The following TXLNB variants were observed in gnomAD, a reference collection of about 807,000 sequenced individuals.
TXLNB encodes taxilin beta, also known as beta-taxilin.
A neutral mutation model predicts 57.4 loss-of-function variants in TXLNB; 37 were observed. The ratio of observed to expected loss-of-function variants is 0.64; its 90% CI spans 0.50 to 0.85. The LOEUF (loss-of-function observed/expected upper bound fraction) is 0.85. Among genes scored for constraint, TXLNB ranks in the 40% least tolerant of loss-of-function variants. The probability of loss-of-function intolerance (pLI) is 0.00; values close to 1 mark genes in which losing one functional copy is unlikely to be tolerated. For missense variants in TXLNB, 848 were observed against 825.6 expected, an observed-to-expected ratio of 1.03 and a Z score of -0.33; for synonymous variants, 302 against 309.6, an observed-to-expected ratio of 0.98 and a Z score of 0.26.
chr6:139,210,942 C>T, the TXLNB span, among the ~76,000 whole-genome samples: 1 of 152,204 alleles, frequency 6.6e-6, no homozygotes, highest in Non-Finnish European at 1.5e-5. Context: ...GGAGGGGCAC[C>T]TGCCACTGCT....
chr6:139,217,882 A>AAAAAAG, the TXLNB span, among the ~76,000 whole-genome samples: 8 of 146,958 alleles, frequency 5.4e-5, no homozygotes, highest in African/African-American at 1.1e-4. Flanking sequence ...AAAAAAAAAA[A>AAAAAAG]AAAAAGAAAA....
chr6:139,204,283 C>A, the TXLNB span, among the ~76,000 whole-genome samples: 592 of 152,238 alleles, frequency 3.9e-3, 5 homozygotes, highest in African/African-American at 0.013. Context: ...GTGTTGAACT[C>A]CTGACCTTGT....
At chr6:139,261,899 C>T (rs1776490901) in intron 5 of TXLNB, among the ~76,000 whole-genome samples, 2 of 129,342 alleles carry the variant, frequency 1.5e-5, no homozygotes, top group Non-Finnish European at 3.1e-5. Context: ...AGAATACAGA[C>T]TCTTTTTTTT....
the TXLNB span, among the ~76,000 whole-genome samples, chr6:139,159,527 G>A: frequency 1.3e-5 from 2 of 152,112 alleles, no homozygotes; most frequent in Non-Finnish European, 2.9e-5. Context: ...TTGAGGAAGT[G>A]AGGGTGAGGG....
At chr6:139,232,963 G>A in the TXLNB span, among the ~76,000 whole-genome samples, 7 of 152,144 alleles carry the variant, frequency 4.6e-5, no homozygotes. Flanking sequence ...TAAGTACAAT[G>A]TGTGGAAAAG....
the TXLNB span, among the ~76,000 whole-genome samples, chr6:139,193,397 G>A: frequency 6.8e-4 from 103 of 151,966 alleles, no homozygotes; most frequent in Non-Finnish European, 9.4e-4. Context: ...ACCTCCAAAT[G>A]TCAGTGGCTG....
intron 8 of TXLNB, among the ~76,000 whole-genome samples, chr6:139,247,353 G>T (rs1776088876): frequency 1.3e-5 from 2 of 151,870 alleles, no homozygotes; most frequent in African/African-American, 4.8e-5. Flanking sequence ...TCTTGGCCAG[G>T]CTGGTCTCGA....
At chr6:139,163,705 G>C in the TXLNB span, among the ~76,000 whole-genome samples, 1 of 152,126 alleles carries the variant, frequency 6.6e-6, no homozygotes, top group African/African-American at 2.4e-5. Context: ...TAAATTCTGA[G>C]TTCATTTCTT....
At chr6:139,261,704 C>G (rs1366776658) in intron 5 of TXLNB, among the ~76,000 whole-genome samples, 1 of 152,026 alleles carries the variant, frequency 6.6e-6, no homozygotes, top group African/African-American at 2.4e-5. Flanking sequence ...TGCTTCTCAT[C>G]TATAAGATAT....
chr6:139,318,058 A>T, the TXLNB span, among the ~76,000 whole-genome samples: 1 of 152,022 alleles, frequency 6.6e-6, no homozygotes, highest in African/African-American at 2.4e-5. Flanking sequence ...TCACGAGGTC[A>T]GGAGATCGAG....
At chr6:139,201,295 T>C in the TXLNB span, among the ~76,000 whole-genome samples, 7 of 152,298 alleles carry the variant, frequency 4.6e-5, no homozygotes, top group African/African-American at 1.7e-4. Context: ...AGAATCAAAA[T>C]GGAGTCACTC....
the TXLNB span, among the ~76,000 whole-genome samples, chr6:139,300,894 C>CA: frequency 2.2e-4 from 33 of 150,010 alleles, no homozygotes; most frequent in South Asian, 8.4e-4. Context: ...GACTCCATCT[C>CA]AAAAAAAAAG....
At chr6:139,231,935 G>A in the TXLNB span, among the ~76,000 whole-genome samples, 24 of 152,270 alleles carry the variant, frequency 1.6e-4, no homozygotes, top group African/African-American at 4.6e-4. Flanking sequence ...ACAAATGAAC[G>A]TGAATTTCTT....
At chr6:139,189,012 C>T in the TXLNB span, among the ~76,000 whole-genome samples, 1 of 152,250 alleles carries the variant, frequency 6.6e-6, no homozygotes, top group Admixed American at 6.5e-5. Flanking sequence ...CCACCTCAGC[C>T]TCTCAAAGTG....
the TXLNB span, among the ~76,000 whole-genome samples, chr6:139,231,010 A>G: frequency 9.0e-3 from 1,377 of 152,314 alleles, 10 homozygotes; most frequent in Non-Finnish European, 0.014. Flanking sequence ...TGCAACTACA[A>G]GCATTCATAT....
chr6:139,237,510 A>T (rs1472155508), downstream of TXLNB: 10 of 149,956 alleles, frequency 6.7e-5, no homozygotes, highest in Admixed American at 4.7e-4. Context: ...CTCCATCTAA[A>T]AAAAAAAAAA....
At chr6:139,282,745 T>G (rs770659918) in intron 2 of TXLNB, among the ~76,000 whole-genome samples, 3 of 145,742 alleles carry the variant, frequency 2.1e-5, no homozygotes, top group Non-Finnish European at 4.6e-5. Context: ...GATGCTTGCT[T>G]CTGTACCACT....
chr6:139,264,029 A>G (rs1004578231), intron 4 of TXLNB, among the ~76,000 whole-genome samples: 4 of 152,216 alleles, frequency 2.6e-5, no homozygotes, highest in African/African-American at 9.6e-5. Context: ...CTATAATAAC[A>G]ACACATTTCC....
At chr6:139,299,470 A>G in the TXLNB span, among the ~76,000 whole-genome samples, 4 of 152,228 alleles carry the variant, frequency 2.6e-5, no homozygotes, top group Admixed American at 6.5e-5. Flanking sequence ...CCAACTTTGA[A>G]GTCCTCAGGC....
Sources: gnomAD v4.1 joint callset for allele counts (sites outside exome capture counted in the v4.1 genomes callset) on GRCh38, gnomAD v4.1.1 for gene constraint, MANE v1.5 for transcripts, NCBI Gene and HGNC (gene_info 2026-07-23, HGNC 2026-07-21) for gene names.